Variants in GRIK4 observed in about 807,000 individuals in gnomAD.
GRIK4 encodes the protein glutamate ionotropic receptor kainate type subunit 4, also known as glutamate receptor ionotropic, kainate 4.
GRIK4 carries 40 observed loss-of-function variants against 104.9 expected under a neutral mutation model. The observed-to-expected ratio is 0.38, with a 90% CI of 0.30 to 0.50. The LOEUF (loss-of-function observed/expected upper bound fraction) is 0.50. Among genes scored for constraint, GRIK4 ranks in the 20% least tolerant of loss-of-function variants. The pLI is 0.93. For missense variants in GRIK4, 1,047 were observed against 1,308.1 expected (o/e 0.80, Z 3.08); for synonymous variants, 485 against 524.9 (o/e 0.92, Z 1.04).
intron 1 of GRIK4, among the ~76,000 whole-genome samples, chr11:120,527,885 C>G (rs1051869471): frequency 2.6e-5 from 4 of 152,252 alleles, no homozygotes; most frequent in Non-Finnish European, 5.9e-5. Flanking sequence ...GAGGCCTGCT[C>G]TGGTTAACCC....
At chr11:120,886,859 C>T (rs921700884) in intron 11 of GRIK4, among the ~76,000 whole-genome samples, 1 of 152,184 alleles carries the variant, frequency 6.6e-6, no homozygotes, top group East Asian at 1.9e-4. Flanking sequence ...TCTCCTGGTT[C>T]CCCTGATGCA....
intron 1 of GRIK4, among the ~76,000 whole-genome samples, chr11:120,592,113 T>G (rs1346424907): frequency 6.6e-6 from 1 of 152,236 alleles, no homozygotes; most frequent in Non-Finnish European, 1.5e-5. Flanking sequence ...GAAAAAGATT[T>G]GCTGCTGGGG....
intron 1 of GRIK4, among the ~76,000 whole-genome samples, chr11:120,570,013 C>A (rs1346244901): frequency 6.6e-6 from 1 of 152,210 alleles, no homozygotes; most frequent in African/African-American, 2.4e-5. Context: ...AAAGGAGTTA[C>A]ATAGAACTCT....
In GRIK4 at chr11:120,917,154, G is replaced by A. The variant is rs185709244; in HGVS notation, c.1476+11661G>A. Among the ~76,000 whole-genome samples, 771 of 150,166 alleles carry A rather than the reference G, an allele frequency of 5.1e-3. 7 individuals carry two copies. Among genetic ancestry groups the A allele is most frequent in the African/African-American group, 0.018 (738 of 40,556 alleles). ...CCCAGCTACTCAGGAGGCTGAGGCA[G>A]GAGAATTGCTTGAACCCGGGAGGCG... On this transcript the variant is annotated intron_variant, in intron 13 of 20. Coordinates refer to ENST00000527524, the MANE Select transcript of GRIK4 (RefSeq NM_014619.5).
rs556309194 is a variant in GRIK4, at chr11:120,971,363, G to A, written c.2395+4040G>A. Among the ~76,000 whole-genome samples the A allele has an allele frequency of 2.6e-5, 4 of 152,298 alleles. No individual in the cohort carries two copies. The South Asian group carries it at 8.3e-4, about 32-fold the overall frequency. The stretch of plus-strand genomic sequence containing the variant: ...TTTGATGAAACAATGAACAACAAAT[G>A]AATAGATAAATGAACAAGTGAATGA... On this transcript the variant is annotated intron_variant, in intron 19 of 20. Transcript: ENST00000527524.
intron 1 of GRIK4, among the ~76,000 whole-genome samples, chr11:120,551,948 T>A (rs912253445): frequency 2.6e-5 from 4 of 152,202 alleles, no homozygotes; most frequent in Non-Finnish European, 5.9e-5. Flanking sequence ...ATATAAGCCC[T>A]GCGGCCCTTC....
intron 1 of GRIK4, among the ~76,000 whole-genome samples, chr11:120,591,659 G>A (rs947216588): frequency 5.3e-5 from 8 of 152,144 alleles, no homozygotes; most frequent in Admixed American, 3.3e-4. Context: ...CAGTACTAGG[G>A]ATGAATGTAC....
intron 8 of GRIK4, among the ~76,000 whole-genome samples, chr11:120,842,978 C>T (rs1953754949): frequency 6.6e-6 from 1 of 152,242 alleles, no homozygotes; most frequent in African/African-American, 2.4e-5. Context: ...CACTGCCTAA[C>T]AGAAAAGATA....
chr11:120,695,937 C>A (rs1347367401), intron 3 of GRIK4, among the ~76,000 whole-genome samples: 7 of 152,148 alleles, frequency 4.6e-5, no homozygotes, highest in Non-Finnish European at 8.8e-5. Flanking sequence ...GCTCCATGGA[C>A]CAGTAGGAGG....
At chr11:120,723,984 TGGCAACCACTGA>T (rs756679533) in intron 3 of GRIK4, among the ~76,000 whole-genome samples, 120 of 152,246 alleles carry the variant, frequency 7.9e-4, no homozygotes, top group South Asian at 7.3e-3. Flanking sequence ...CCCCTGCTCT[TGGCAACCACTGA>T]TCTGTTTTCT....
At position 120,905,247 on chromosome 11, in the gene GRIK4, C is replaced by A; in HGVS notation, c.1273-43C>A. ...CTCCCCATCACACGCGGGTGAGACA[C>A]CAGGGCTAAGATGAGAATGACAGCT... On this transcript the variant is annotated intron_variant, in intron 12 of 20. Coordinates refer to ENST00000527524, the MANE Select transcript of GRIK4 (RefSeq NM_014619.5). This position sits in a 1 kb window ranked among gnomAD's most constrained non-coding sequence, Gnocchi z 5.1. 7.0e-7 allele frequency: 1 copy of A among 1,437,360 alleles called. No individual in the cohort carries two copies. Among genetic ancestry groups the A allele is most frequent in the Non-Finnish European group, 9.8e-7 (1 of 1,020,062 alleles). The allele number at this position is 1,437,360 out of a possible 1,614,324, so 89.0% of individuals were successfully genotyped here.
At chr11:120,754,792 C>G (rs531859635) in intron 3 of GRIK4, among the ~76,000 whole-genome samples, 5 of 152,192 alleles carry the variant, frequency 3.3e-5, no homozygotes, top group African/African-American at 1.2e-4. Flanking sequence ...TGTTGAGGAT[C>G]TTTTCATGTG....
chr11:120,907,111 A>G (rs1942884809), intron 13 of GRIK4, among the ~76,000 whole-genome samples: 1 of 152,254 alleles, frequency 6.6e-6, no homozygotes, highest in African/African-American at 2.4e-5. Context: ...TTCTCTACTT[A>G]GTCTTTCAGA....
At chr11:120,648,994 C>A (rs969815001) in intron 1 of GRIK4, among the ~76,000 whole-genome samples, 2 of 152,196 alleles carry the variant, frequency 1.3e-5, no homozygotes, top group African/African-American at 4.8e-5. Context: ...CCCGAGGGAG[C>A]CTGGTGCCAG....
intron 1 of GRIK4, among the ~76,000 whole-genome samples, chr11:120,639,791 A>G (rs554746646): frequency 1.3e-5 from 2 of 152,298 alleles, no homozygotes; most frequent in East Asian, 3.9e-4. Flanking sequence ...ACTCTTTTCA[A>G]ATTGCAGTCA....
At chr11:120,828,010 CCCTT>C (rs1953312399) in intron 6 of GRIK4, among the ~76,000 whole-genome samples, 1 of 152,174 alleles carries the variant, frequency 6.6e-6, no homozygotes, top group African/African-American at 2.4e-5. Flanking sequence ...CTCATGACAG[CCCTT>C]CCTTCTCTCC....
intron 7 of GRIK4, among the ~76,000 whole-genome samples, chr11:120,835,743 G>A (rs957098535): frequency 6.6e-6 from 1 of 152,160 alleles, no homozygotes; most frequent in Non-Finnish European, 1.5e-5. Flanking sequence ...AGGGTCCCCA[G>A]AGAGAACGGG....
At chr11:120,612,639 C>T (rs567696819) in intron 1 of GRIK4, among the ~76,000 whole-genome samples, 1 of 152,342 alleles carries the variant, frequency 6.6e-6, no homozygotes, top group South Asian at 2.1e-4. Flanking sequence ...TTTTTCTGAT[C>T]ATTTCCTGAA....
At chr11:120,648,575 TGG>T (rs1949573621) in intron 1 of GRIK4, among the ~76,000 whole-genome samples, 1 of 152,158 alleles carries the variant, frequency 6.6e-6, no homozygotes, top group Admixed American at 6.5e-5. Flanking sequence ...AGCTTCTCTC[TGG>T]GCAGCCAGAG....
Sources: gnomAD v4.1 joint callset for allele counts (sites outside exome capture counted in the v4.1 genomes callset) on GRCh38, gnomAD v4.1.1 for gene constraint, Gnocchi (gnomAD v3.1) non-coding constraint, MANE v1.5 for transcripts, NCBI Gene and HGNC (gene_info 2026-07-23, HGNC 2026-07-21) for gene names.